SLC35F1: variants seen among roughly 807,000 people sequenced by gnomAD.
SLC35F1 encodes solute carrier family 35 member F1.
Under a neutral mutation model 48.7 loss-of-function variants are expected in SLC35F1, and 14 were observed. The observed-to-expected ratio is 0.29, with a 90% CI of 0.19 to 0.45. The LOEUF is 0.45. Among genes scored for constraint, SLC35F1 ranks in the 20% least tolerant of loss-of-function variants. SLC35F1 has a pLI of 1.00. For synonymous variants in SLC35F1, 190 were observed against 202.2 expected, an observed-to-expected ratio of 0.94 and a Z score of 0.51; for missense variants, 404 against 500.0, an observed-to-expected ratio of 0.81 and a Z score of 1.83.
intron 1 of SLC35F1, among the ~76,000 whole-genome samples, chr6:118,099,681 G>C (rs1446305697): frequency 6.6e-6 from 1 of 152,150 alleles, no homozygotes; most frequent in Admixed American, 6.6e-5. Context: ...GTGGCCAAGA[G>C]AATATTCCAG....
intron 2 of SLC35F1, among the ~76,000 whole-genome samples, chr6:118,226,272 AGAAT>A (rs1775216528): frequency 6.6e-6 from 1 of 152,254 alleles, no homozygotes; most frequent in South Asian, 2.1e-4. Context: ...AATGTGAATT[AGAAT>A]AGCCATACTA....
At chr6:118,208,810 T>C (rs1774968756) in intron 2 of SLC35F1, among the ~76,000 whole-genome samples, 1 of 152,130 alleles carries the variant, frequency 6.6e-6, no homozygotes, top group African/African-American at 2.4e-5. Flanking sequence ...CTGAAGGAGA[T>C]TGGAAGGCTT....
chr6:118,289,653 T>C (rs1021040436), intron 7 of SLC35F1, among the ~76,000 whole-genome samples: 2 of 152,204 alleles, frequency 1.3e-5, no homozygotes, highest in East Asian at 3.9e-4. Flanking sequence ...TATGTTTCCA[T>C]ATCATTTAAT....
At chr6:118,042,378 C>T (rs1035113524) in intron 1 of SLC35F1, among the ~76,000 whole-genome samples, 2 of 152,154 alleles carry the variant, frequency 1.3e-5, no homozygotes, top group Non-Finnish European at 2.9e-5. Flanking sequence ...CATGAAACAA[C>T]TAACTCTACC....
intron 1 of SLC35F1, among the ~76,000 whole-genome samples, chr6:118,013,805 C>A (rs747646649): frequency 1.3e-5 from 2 of 152,102 alleles, no homozygotes; most frequent in Non-Finnish European, 2.9e-5. Flanking sequence ...ATCCATCCAA[C>A]TATTTGTGGA....
At chr6:118,186,291 C>G (rs1183091585) in intron 2 of SLC35F1, among the ~76,000 whole-genome samples, 1 of 152,074 alleles carries the variant, frequency 6.6e-6, no homozygotes, top group Non-Finnish European at 1.5e-5. Context: ...CCCCCAAGCC[C>G]AGCACAGCAC....
chr6:118,143,783 T>G (rs946537093), intron 1 of SLC35F1, among the ~76,000 whole-genome samples: 4 of 152,330 alleles, frequency 2.6e-5, no homozygotes, highest in Non-Finnish European at 5.9e-5. Flanking sequence ...GCAGTTTATA[T>G]AAACCACCTT....
At chr6:118,240,648 C>G (rs751608651) in intron 3 of SLC35F1, among the ~76,000 whole-genome samples, 2 of 152,180 alleles carry the variant, frequency 1.3e-5, no homozygotes, top group Non-Finnish European at 2.9e-5. Context: ...GAAATCAACA[C>G]AGTTCTCTGG....
At chr6:118,235,470 C>T (rs1186311831) in intron 2 of SLC35F1, 39 bp from the exon 3 acceptor site, 9 of 1,580,230 alleles carry the variant, frequency 5.7e-6, no homozygotes, top group African/African-American at 1.4e-5. Flanking sequence ...TATTCTATTT[C>T]AGGAACCTAA....
intron 1 of SLC35F1, among the ~76,000 whole-genome samples, chr6:118,115,848 T>C (rs1773469903): frequency 6.6e-6 from 1 of 152,226 alleles, no homozygotes; most frequent in Non-Finnish European, 1.5e-5. Flanking sequence ...TATGGATTTA[T>C]CATATCCAAT....
rs774953190 is a variant in SLC35F1 at position 117,927,469 on chromosome 6, G to C, written c.173+19570G>C. ...AGAAGGTGTGCTTATTTTTGGCTAA[G>C]AGGAAGAGGAGGGAAGGCGTGTTGA... On this transcript the variant is annotated intron_variant, in intron 1 of 7. Coordinates refer to ENST00000360388, the MANE Select transcript of SLC35F1 (RefSeq NM_001029858.4). Among the ~76,000 whole-genome samples, 13 of 152,292 alleles carry C rather than the reference G, an allele frequency of 8.5e-5. No individual in the cohort carries two copies. The East Asian group carries it at 2.5e-3, about 29-fold the overall frequency.
Position 118,033,198 on chromosome 6 carries a change from C to T in SLC35F1, c.174-121247C>T, listed in dbSNP as rs148082731. Among the ~76,000 whole-genome samples the T allele has an allele frequency of 2.0e-5, 3 of 152,144 alleles. No homozygotes were observed. The East Asian group carries it at 5.8e-4, about 29-fold the overall frequency. On this transcript the variant is annotated intron_variant, in intron 1 of 7. Transcript: ENST00000360388. ...AAGCATTTTTCCAGGAAAATATGCT[C>T]ATTTGCATTTTATTGAATGGCATTT...
intron 6 of SLC35F1, among the ~76,000 whole-genome samples, chr6:118,280,693 C>T (rs1307364345): frequency 6.6e-6 from 1 of 152,010 alleles, no homozygotes; most frequent in Non-Finnish European, 1.5e-5. Context: ...GCCTGGCCAA[C>T]ATGGTGAAAC....
At chr6:118,144,084 T>A (rs1773933520) in intron 1 of SLC35F1, among the ~76,000 whole-genome samples, 1 of 152,188 alleles carries the variant, frequency 6.6e-6, no homozygotes, top group African/African-American at 2.4e-5. Flanking sequence ...ATCCCATTAC[T>A]GGGTATATAC....
At chr6:118,271,624 G>A (rs1309401998) in intron 4 of SLC35F1, among the ~76,000 whole-genome samples, 1 of 152,174 alleles carries the variant, frequency 6.6e-6, no homozygotes, top group Non-Finnish European at 1.5e-5. Flanking sequence ...AGTAAGTCAT[G>A]ATTTCAAATA....
intron 2 of SLC35F1, among the ~76,000 whole-genome samples, chr6:118,203,591 C>T (rs1227069966): frequency 6.6e-6 from 1 of 152,182 alleles, no homozygotes. Flanking sequence ...GGAGTGAAGC[C>T]TTGCTCTTGG....
intron 6 of SLC35F1, among the ~76,000 whole-genome samples, chr6:118,280,205 G>A (rs187398240): frequency 9.9e-5 from 15 of 152,178 alleles, no homozygotes; most frequent in Admixed American, 4.6e-4. Context: ...ATGTATGATC[G>A]AATACAGCTA....
chr6:118,247,479 G>A (rs918693449), intron 3 of SLC35F1, among the ~76,000 whole-genome samples: 1 of 152,172 alleles, frequency 6.6e-6, no homozygotes, highest in Non-Finnish European at 1.5e-5. Flanking sequence ...CAGGGGCTAA[G>A]CTTTGTCTGC....
chr6:117,985,686 C>T (rs190808963), intron 1 of SLC35F1, among the ~76,000 whole-genome samples: 8 of 152,318 alleles, frequency 5.3e-5, no homozygotes, highest in Admixed American at 4.6e-4. Context: ...GTGAATACCT[C>T]TATCCATTGA....
Sources: gnomAD v4.1 joint callset for allele counts (sites outside exome capture counted in the v4.1 genomes callset) on GRCh38, gnomAD v4.1.1 for gene constraint, MANE v1.5 for transcripts, NCBI Gene and HGNC (gene_info 2026-07-23, HGNC 2026-07-21) for gene names.